The following SLC9A9 variants were observed in gnomAD, a reference collection of about 807,000 sequenced individuals.
The protein encoded by SLC9A9 is sodium/hydrogen exchanger 9.
A neutral mutation model predicts 77.8 loss-of-function variants in SLC9A9; 62 were observed. The ratio of observed to expected loss-of-function variants is 0.80; its 90% CI spans 0.65 to 0.98. The LOEUF (loss-of-function observed/expected upper bound fraction) is 0.98. SLC9A9 is among the 50% of genes least tolerant of loss of function. SLC9A9 has a pLI of 0.00. For synonymous variants in SLC9A9, 320 were observed against 283.5 expected, an observed-to-expected ratio of 1.13 and a Z score of -1.29; for missense variants, 775 against 774.9, an observed-to-expected ratio of 1.00 and a Z score of 0.00.
At chr3:143,607,122 TA>T (rs1353753351) in intron 6 of SLC9A9, among the ~76,000 whole-genome samples, 1 of 152,016 alleles carries the variant, frequency 6.6e-6, no homozygotes, top group Non-Finnish European at 1.5e-5. Flanking sequence ...TATAATTACC[TA>T]ATATCAACAA....
At chr3:143,639,317 A>G (rs2038582280) in intron 6 of SLC9A9, among the ~76,000 whole-genome samples, 1 of 152,204 alleles carries the variant, frequency 6.6e-6, no homozygotes, top group South Asian at 2.1e-4. Flanking sequence ...GGCAGAAGTC[A>G]AGATTGGTTC....
At chr3:143,398,523 T>G (rs573099037) in intron 12 of SLC9A9, among the ~76,000 whole-genome samples, 3 of 152,276 alleles carry the variant, frequency 2.0e-5, no homozygotes, top group East Asian at 3.9e-4. Context: ...CATATGGAGT[T>G]TGGGAAGAGG....
chr3:143,269,053 G>T, intron 14 of SLC9A9, 73 bp from the exon 15 acceptor site: 1 of 1,129,948 alleles, frequency 8.8e-7, no homozygotes. Flanking sequence ...ACAAACCTTT[G>T]TATGCTGAGA....
chr3:143,811,866 GAAA>G, intron 2 of SLC9A9: 2 of 215,042 alleles, frequency 9.3e-6, no homozygotes, highest in South Asian at 3.8e-5. Context: ...TGTCTAAAAA[GAAA>G]AAAAAAAAAG....
intron 1 of SLC9A9, among the ~76,000 whole-genome samples, chr3:143,840,900 T>C (rs575588266): frequency 6.6e-6 from 1 of 152,250 alleles, no homozygotes; most frequent in South Asian, 2.1e-4. Flanking sequence ...AAACTAAAGA[T>C]GATCTTGCCT....
chr3:143,507,384 T>C (rs1398687652), intron 9 of SLC9A9, among the ~76,000 whole-genome samples: 1 of 152,056 alleles, frequency 6.6e-6, no homozygotes, highest in African/African-American at 2.4e-5. Context: ...ATTTTTTGTA[T>C]TTTTAGCAGA....
At chr3:143,428,000 G>A (rs1327678210) in intron 12 of SLC9A9, among the ~76,000 whole-genome samples, 1 of 152,164 alleles carries the variant, frequency 6.6e-6, no homozygotes, top group African/African-American at 2.4e-5. Context: ...GAAAACATAG[G>A]AGAAATGCTT....
At chr3:143,329,748 G>A (rs948608319) in intron 14 of SLC9A9, among the ~76,000 whole-genome samples, 2 of 151,942 alleles carry the variant, frequency 1.3e-5, no homozygotes, top group South Asian at 4.2e-4. Flanking sequence ...CTCCTCTTCC[G>A]AGGCTTGGGC....
chr3:143,327,618 T>G (rs907704082), intron 14 of SLC9A9, among the ~76,000 whole-genome samples: 9 of 152,178 alleles, frequency 5.9e-5, no homozygotes. Context: ...CTTCCCTATT[T>G]TTTGTTCTTC....
intron 8 of SLC9A9, among the ~76,000 whole-genome samples, chr3:143,567,032 T>A (rs1436356433): frequency 1.3e-5 from 2 of 152,166 alleles, no homozygotes; most frequent in Admixed American, 6.6e-5. Context: ...TTAAAAATAA[T>A]GGCTCAGTAA....
intron 4 of SLC9A9, among the ~76,000 whole-genome samples, chr3:143,723,007 A>T (rs1182727823): frequency 6.6e-6 from 1 of 151,932 alleles, no homozygotes; most frequent in Non-Finnish European, 1.5e-5. Context: ...CAACTTTCAA[A>T]TTGTCATTTT....
chr3:143,712,004 T>G (rs564873940), intron 4 of SLC9A9, among the ~76,000 whole-genome samples: 1 of 152,320 alleles, frequency 6.6e-6, no homozygotes, highest in Admixed American at 6.5e-5. Context: ...TTACTCTTCA[T>G]CTATGGCCCT....
At chr3:143,627,584 C>T in intron 6 of SLC9A9, 1 of 326,116 alleles carries the variant, frequency 3.1e-6, no homozygotes, top group Admixed American at 3.2e-5. Context: ...TCTTTTCTGG[C>T]AGACCTCTCA....
In SLC9A9 at chr3:143,467,116, T is replaced by C. The variant is rs199758532; in HGVS notation, c.1390A>G (p.Thr464Ala). 6 of 1,614,198 alleles carry C rather than the reference T, an allele frequency of 3.7e-6. No individual in the cohort carries two copies. The highest frequency in any genetic ancestry group is 3.3e-4 in the Middle Eastern group (2 of 6,060). ...GTGAAGAACACGAGGAGCAGCGTAG[T>C]GGTAAACATCATTTGTTTGGGCTGA... Reference protein sequence around the residue: ...ESQPKQMMFTTTLLLVFFTVW... With the variant: ...ESQPKQMMFTATLLLVFFTVW... Residue 464 changes from threonine to alanine, a missense_variant, in exon 12 of 16, where the codon ACT becomes GCT. By Grantham distance (58) the Thr-to-Ala change is moderately conservative (BLOSUM62 0). Transcript: ENST00000316549.
chr3:143,741,037 T>C (rs1194074882), intron 4 of SLC9A9, among the ~76,000 whole-genome samples: 1 of 152,196 alleles, frequency 6.6e-6, no homozygotes, highest in African/African-American at 2.4e-5. Context: ...TGCTTACATA[T>C]AGAATGATTT....
At chr3:143,655,045 AAT>A (rs2038864845) in intron 5 of SLC9A9, among the ~76,000 whole-genome samples, 1 of 152,220 alleles carries the variant, frequency 6.6e-6, no homozygotes, top group Non-Finnish European at 1.5e-5. Context: ...GAAGAAATGG[AAT>A]AGTTTTGAAA....
At chr3:143,271,078 GC>G (rs1196091408) in intron 14 of SLC9A9, among the ~76,000 whole-genome samples, 1 of 151,388 alleles carries the variant, frequency 6.6e-6, no homozygotes, top group African/African-American at 2.4e-5. Flanking sequence ...TACACTACTT[GC>G]CCCCTAGTCA....
intron 2 of SLC9A9, among the ~76,000 whole-genome samples, chr3:143,822,839 C>A (rs2009201031): frequency 6.6e-6 from 1 of 152,144 alleles, no homozygotes; most frequent in South Asian, 2.1e-4. Flanking sequence ...GTTTTCTGTT[C>A]TTTGCTCAGG....
chr3:143,453,621 C>T (rs542407625), intron 12 of SLC9A9, among the ~76,000 whole-genome samples: 1 of 152,246 alleles, frequency 6.6e-6, no homozygotes, highest in East Asian at 1.9e-4. Flanking sequence ...AATTCACTGA[C>T]ATTTCTAATC....
Sources: allele counts gnomAD v4.1 joint callset (sites outside exome capture counted in the v4.1 genomes callset), GRCh38; gene constraint gnomAD v4.1.1; transcripts MANE v1.5; gene names NCBI Gene and HGNC (gene_info 2026-07-23, HGNC 2026-07-21).